Variants in KCNH3 observed in about 807,000 individuals in gnomAD.
KCNH3 encodes voltage-gated inwardly rectifying potassium channel KCNH3.
Under a neutral mutation model 95.6 loss-of-function variants are expected in KCNH3, and 36 were observed. That is an observed-to-expected ratio of 0.38 (90% CI 0.29 to 0.50). The LOEUF is 0.50. Ranked by LOEUF, KCNH3 falls within the 20% of genes least tolerant of loss-of-function variation. The pLI, the probability that KCNH3 is intolerant of heterozygous loss-of-function variation, is 0.95. For synonymous variants in KCNH3, 620 were observed against 646.3 expected, an observed-to-expected ratio of 0.96 and a Z score of 0.62; for missense variants, 1,030 against 1,484.1, an observed-to-expected ratio of 0.69 and a Z score of 5.03.
intron 2 of KCNH3, 72 bp downstream of exon 2, chr12:49,541,204 T>C (rs1937859221): frequency 1.8e-6 from 2 of 1,098,100 alleles, no homozygotes; most frequent in South Asian, 2.8e-5. Flanking sequence ...CCATCCACTG[T>C]CCCTCCTCCT....
Position 49,540,892 on chromosome 12 carries a change from C to T in KCNH3, c.77-7C>T, listed in dbSNP as rs1387996007. 2.5e-6 allele frequency: 4 copies of T among 1,613,106 alleles called. No individual in the cohort carries two copies. Among genetic ancestry groups the T allele is most frequent in the Non-Finnish European group, 3.4e-6 (4 of 1,179,290 alleles). Reference sequence around the variant, plus strand: ...CCACGCCTCCTCTGAGAAGTGCTCTCTTGCAGACAGTAACTTCGTGCTGGG... The same window carrying T: ...CCACGCCTCCTCTGAGAAGTGCTCTTTTGCAGACAGTAACTTCGTGCTGGG... On this transcript the variant is annotated splice_region_variant and splice_polypyrimidine_tract_variant and intron_variant, in intron 1 of 14. Transcript: ENST00000257981.
intron 10 of KCNH3, among the ~76,000 whole-genome samples, chr12:49,552,815 AGAG>A (rs1235368212): frequency 1.3e-5 from 2 of 152,222 alleles, no homozygotes; most frequent in African/African-American, 2.4e-5. Flanking sequence ...GCCAATGAAA[AGAG>A]AGCACATTCC....
At position 49,547,274 on chromosome 12, in the gene KCNH3, T is replaced by TC. The variant is rs541803726; in HGVS notation, c.1190-1619dup. Among the ~76,000 whole-genome samples the TC allele has an allele frequency of 6.4e-4, 98 of 152,314 alleles. 1 individual carries two copies. Among genetic ancestry groups the TC allele is most frequent in the African/African-American group, 2.3e-3 (96 of 41,572 alleles). ...CCTTGGTGCAGGTCTTAGTACATCC[T>TC]CCTAAATTCCTTAGCCTGGAATGTA... On this transcript the variant is annotated intron_variant, in intron 7 of 14. Transcript: ENST00000257981.
At chr12:49,556,676 G>C (rs1938462333) in intron 13 of KCNH3, 200 bp downstream of exon 13, 1 of 699,912 alleles carries the variant, frequency 1.4e-6, no homozygotes, top group Non-Finnish European at 2.6e-6. Flanking sequence ...GACGCAGCCA[G>C]GAACTGGGTT....
rs1592495508 is a variant in KCNH3, at chr12:49,539,562, C to T, written c.76+70C>T. 9 of 1,350,492 alleles carry T rather than the reference C, an allele frequency of 6.7e-6. No homozygotes were observed. The highest frequency in any genetic ancestry group is 9.2e-6 in the Non-Finnish European group (9 of 976,202). The allele number at this position is 1,350,492 out of a possible 1,614,324, so 83.7% of individuals were successfully genotyped here. A position where few individuals can be genotyped will look rare whatever the true frequency, so the allele number is the denominator to read the frequency against. On this transcript the variant is annotated intron_variant, in intron 1 of 14. Transcript: ENST00000257981. The surrounding 1 kb of genome is among the most constrained non-coding windows in gnomAD (Gnocchi z 6.7). ...CGCCAGGGCTCCCGCCTTCCCCGAA[C>T]CCCCAGCAGCCCAGCTTGGCGCCAG...
intron 1 of KCNH3, among the ~76,000 whole-genome samples, chr12:49,540,066 G>A (rs967632624): frequency 2.0e-5 from 3 of 152,174 alleles, no homozygotes; most frequent in African/African-American, 7.2e-5. Context: ...GTTTGGAGAA[G>A]GCGCCCCGAG....
chr12:49,542,901 G>A (rs1414779538), intron 4 of KCNH3, 62 bp downstream of exon 4: 11 of 1,568,350 alleles, frequency 7.0e-6, no homozygotes, highest in Non-Finnish European at 9.5e-6. Context: ...TGGGGAAGGG[G>A]AACCTGATCT....
In KCNH3 at chr12:49,549,659, G is replaced by T; in HGVS notation, c.1668+19G>T. The T allele has an allele frequency of 6.3e-7, 1 of 1,599,994 alleles. No individual in the cohort carries two copies. On this transcript the variant is annotated intron_variant, in intron 9 of 14. Transcript: ENST00000257981. ...CACCGAGGTGCGGCCTCCGGGGCTG[G>T]GCCTGCTAGCCTTTGCTCCCTCAGG...
rs12316175 is a variant in KCNH3 at position 49,554,422 on chromosome 12, C to T, written c.2004C>T (p.Cys668=). Residue 668 remains cysteine, a synonymous_variant, in exon 11 of 15, where the codon TGC becomes TGT. Transcript: ENST00000257981. The part of the protein sequence containing the change: ...ANADVKGLTY[C]VLQCLQLAGL... The stretch of plus-strand genomic sequence containing the variant: ...CCGACGTGAAGGGGCTGACGTACTG[C>T]GTCCTGCAGTGTCTGCAGCTGGCTG... The T allele has an allele frequency of 4.0e-3, 6,532 of 1,613,188 alleles. 230 individuals are homozygous for T. The African/African-American group carries it at 0.077, about 19-fold the overall frequency.
chr12:49,553,415 G>A (rs1319172442), intron 10 of KCNH3, among the ~76,000 whole-genome samples: 1 of 152,180 alleles, frequency 6.6e-6, no homozygotes, highest in South Asian at 2.1e-4. Flanking sequence ...CCAAAGTGCT[G>A]GGAGTCATTG....
intron 7 of KCNH3, among the ~76,000 whole-genome samples, chr12:49,546,933 C>T (rs1047747774): frequency 6.6e-6 from 1 of 152,228 alleles, no homozygotes; most frequent in Admixed American, 6.5e-5. Flanking sequence ...CTCACTCTGT[C>T]ACCCAGGCTG....
chr12:49,540,163 G>T (rs1320601636), intron 1 of KCNH3, among the ~76,000 whole-genome samples: 2 of 152,136 alleles, frequency 1.3e-5, no homozygotes, highest in Non-Finnish European at 2.9e-5. Context: ...CCCCCGTGGG[G>T]CTTCCCAGCT....
In KCNH3 at chr12:49,555,899, G is replaced by A. The variant is rs773994567; in HGVS notation, c.2416G>A (p.Gly806Arg). The A allele has an allele frequency of 5.0e-6, 8 of 1,596,248 alleles. No homozygotes were observed. Among genetic ancestry groups the A allele is most frequent in the East Asian group, 2.2e-5 (1 of 44,550 alleles). Residue 806 changes from glycine to arginine, a missense_variant, in exon 12 of 15, where the codon GGG becomes AGG. This residue lies in a region of KCNH3 where 464 missense variants were observed against 493.2 expected (regional missense o/e 0.94). Transcript: ENST00000257981. ...GPSAPPRALE[G>R]LRLPPMPWNV... ...CTCTGCTCCCCCACGGGCCCTAGAG[G>A]GGCTACGGCTGCCCCCCATGCCATG...
In KCNH3 at chr12:49,541,013, G is replaced by A. The variant is rs1253781597; in HGVS notation, c.191G>A (p.Gly64Asp). ...GFSRAEVMQR[G>D]CACSFLYGPD... ...TCCCGGGCTGAGGTCATGCAGCGGG[G>A]CTGTGCCTGCTCCTTCCTTTATGGG... Residue 64 changes from glycine (G) to aspartate (D), a missense_variant, in exon 2 of 15, where the codon GGC (glycine) becomes GAC (aspartate). This residue lies in a region of KCNH3 where 63 missense variants were observed against 107.7 expected (regional missense o/e 0.59). Coordinates refer to ENST00000257981, the MANE Select transcript of KCNH3 (RefSeq NM_012284.3). The A allele has an allele frequency of 6.2e-7, 1 of 1,614,042 alleles. No individual in the cohort carries two copies. The highest frequency in any genetic ancestry group is 1.7e-5 in the Admixed American group (1 of 60,034).
chr12:49,541,850 C>A, intron 3 of KCNH3, 86 bp downstream of exon 3: 1 of 1,423,272 alleles, frequency 7.0e-7, no homozygotes, highest in Non-Finnish European at 9.6e-7. Context: ...TACGGGGGTC[C>A]CCCATGCACC....
At position 49,558,224 on chromosome 12, in the gene KCNH3, T is replaced by C. The variant is rs1470407542; in HGVS notation, c.*271T>C. 3 of 399,424 alleles carry C rather than the reference T, an allele frequency of 7.5e-6. No homozygotes were observed. The highest frequency in any genetic ancestry group is 8.8e-6 in the Non-Finnish European group (2 of 227,782). 24.7% of individuals were successfully genotyped at this position (399,424 alleles called of 1,614,324 possible). A position where few individuals can be genotyped will look rare whatever the true frequency, so the allele number is the denominator to read the frequency against. On this transcript the variant is annotated 3_prime_UTR_variant, in exon 15 of 15. Transcript: ENST00000257981. The stretch of plus-strand genomic sequence containing the variant: ...AGAGGCCTGAGGACAAGGAAGAGCT[T>C]TGCCATCCCCTGCATGTGCCCCTGC...
In KCNH3 at chr12:49,554,557, G is replaced by A. The variant is rs1293187812; in HGVS notation, c.2136+3G>A. 10 of 1,608,140 alleles carry A rather than the reference G, an allele frequency of 6.2e-6. No individual in the cohort carries two copies. Among genetic ancestry groups the A allele is most frequent in the Non-Finnish European group, 8.5e-6 (10 of 1,176,010 alleles). ...GTGCTGGGGGAGGCTCTGCAGAGGT[G>A]AGTGTGCTGAGTATGTGCTTGGAGG... is the stretch of plus-strand genomic sequence containing the variant. On this transcript the variant is annotated splice_donor_region_variant and intron_variant, in intron 11 of 14. Coordinates refer to ENST00000257981, the MANE Select transcript of KCNH3 (RefSeq NM_012284.3).
At chr12:49,553,106 C>T (rs1207057890) in intron 10 of KCNH3, among the ~76,000 whole-genome samples, 1 of 151,838 alleles carries the variant, frequency 6.6e-6, no homozygotes, top group Non-Finnish European at 1.5e-5. Flanking sequence ...AGTGCTCTGC[C>T]CAAGCCCGGA....
chr12:49,553,407 A>C (rs1938329535), intron 10 of KCNH3, among the ~76,000 whole-genome samples: 2 of 152,142 alleles, frequency 1.3e-5, no homozygotes, highest in Non-Finnish European at 2.9e-5. Context: ...ATGGCCTCCC[A>C]AAGTGCTGGG....
Sources: allele counts gnomAD v4.1 joint callset (sites outside exome capture counted in the v4.1 genomes callset), GRCh38; gene constraint gnomAD v4.1.1; regional missense constraint gnomAD v4.1.1; non-coding constraint Gnocchi (gnomAD v3.1); transcripts MANE v1.5; gene names NCBI Gene and HGNC (gene_info 2026-07-23, HGNC 2026-07-21).